The following INPP5D variants were observed in gnomAD, a reference collection of about 807,000 sequenced individuals.
INPP5D encodes the protein phosphatidylinositol 3,4,5-trisphosphate 5-phosphatase 1.
Under a neutral mutation model 122.9 loss-of-function variants are expected in INPP5D, and 33 were observed. The observed-to-expected ratio is 0.27, with a 90% CI of 0.20 to 0.36. The LOEUF (loss-of-function observed/expected upper bound fraction) is 0.36. INPP5D is among the 10% of genes least tolerant of loss of function. The probability of loss-of-function intolerance (pLI) is 1.00; values close to 1 mark genes in which losing one functional copy is unlikely to be tolerated. For missense variants in INPP5D, 1,053 were observed against 1,412.7 expected, an observed-to-expected ratio of 0.75 and a Z score of 4.08; for synonymous variants, 584 against 576.2, an observed-to-expected ratio of 1.01 and a Z score of -0.19.
intron 20 of INPP5D, among the ~76,000 whole-genome samples, chr2:233,185,169 G>A (rs923418136): frequency 4.6e-5 from 7 of 152,104 alleles, no homozygotes; most frequent in Non-Finnish European, 8.8e-5. Context: ...ATCGGGGGAG[G>A]AAAAGGGGGC....
chr2:233,173,092 C>G (rs1025094075), intron 17 of INPP5D, among the ~76,000 whole-genome samples: 3 of 152,020 alleles, frequency 2.0e-5, no homozygotes, highest in African/African-American at 7.3e-5. Context: ...GCCTGTAACC[C>G]CAGCTACTCG....
intron 2 of INPP5D, among the ~76,000 whole-genome samples, chr2:233,095,615 CAAA>C (rs59030376): frequency 0.038 from 4,782 of 124,924 alleles, 30 homozygotes; most frequent in East Asian, 0.11. Flanking sequence ...GAAACTGTCT[CAAA>C]AAAAAAAAAA....
chr2:233,202,615 C>A (rs541041123), intron 25 of INPP5D, among the ~76,000 whole-genome samples: 1 of 152,166 alleles, frequency 6.6e-6, no homozygotes, highest in Non-Finnish European at 1.5e-5. Context: ...CAGTAACAGG[C>A]GCAACAGCCT....
At chr2:233,110,866 A>G (rs1692604868) in intron 2 of INPP5D, among the ~76,000 whole-genome samples, 1 of 152,126 alleles carries the variant, frequency 6.6e-6, no homozygotes, top group Non-Finnish European at 1.5e-5. Flanking sequence ...CGGAGGTTGC[A>G]GTGAGCCAAG....
In INPP5D at chr2:233,177,057, T is replaced by C. The variant is rs571201190; in HGVS notation, c.1990-208T>C. Among the ~76,000 whole-genome samples the C allele has an allele frequency of 6.6e-6, 1 of 152,030 alleles. No individual in the cohort carries two copies. Among genetic ancestry groups the C allele is most frequent in the Non-Finnish European group, 1.5e-5 (1 of 67,978 alleles). ...TGTGAGGGAATACAGCAAGGTGAGT[T>C]ATCTTAGTCTAAAGAAGAAGGCGTG... On this transcript the variant is annotated intron_variant, in intron 17 of 26. Transcript: ENST00000445964. The surrounding 1 kb of genome is among the most constrained non-coding windows in gnomAD (Gnocchi z 4.2).
intron 2 of INPP5D, among the ~76,000 whole-genome samples, chr2:233,101,162 G>A (rs1692301243): frequency 6.6e-6 from 1 of 152,170 alleles, no homozygotes. Flanking sequence ...GGTAAACCTT[G>A]GACAACCAGT....
At chr2:233,081,420 T>C (rs917641380) in intron 2 of INPP5D, among the ~76,000 whole-genome samples, 12 of 152,348 alleles carry the variant, frequency 7.9e-5, no homozygotes, top group Non-Finnish European at 1.6e-4. Flanking sequence ...TTGTGGTTTC[T>C]TCTCTTCCTT....
At chr2:233,127,632 G>A (rs2106261360) in intron 4 of INPP5D, among the ~76,000 whole-genome samples, 1 of 152,200 alleles carries the variant, frequency 6.6e-6, no homozygotes, top group Middle Eastern at 3.4e-3. Flanking sequence ...TTTTGAGACG[G>A]AGTTTTGCTC....
intron 1 of INPP5D, among the ~76,000 whole-genome samples, chr2:233,066,428 G>A (rs1691228850): frequency 6.6e-6 from 1 of 152,226 alleles, no homozygotes; most frequent in African/African-American, 2.4e-5. Context: ...GAGGAGCAAG[G>A]CTCTGTGGTC....
chr2:233,203,178 G>A (rs1695384581), intron 25 of INPP5D, among the ~76,000 whole-genome samples: 1 of 152,208 alleles, frequency 6.6e-6, no homozygotes, highest in Non-Finnish European at 1.5e-5. Context: ...AGTAGCACAA[G>A]TGGTTCCTGA....
At chr2:233,079,820 C>G (rs537138236) in intron 2 of INPP5D, among the ~76,000 whole-genome samples, 1 of 152,228 alleles carries the variant, frequency 6.6e-6, no homozygotes, top group Non-Finnish European at 1.5e-5. Context: ...GAGACTAGCA[C>G]AAAACAGTGC....
chr2:233,096,855 A>T (rs1213793970), intron 2 of INPP5D, among the ~76,000 whole-genome samples: 1 of 152,158 alleles, frequency 6.6e-6, no homozygotes, highest in Non-Finnish European at 1.5e-5. Flanking sequence ...GTTTTTAAAC[A>T]TTGTTTATGG....
intron 18 of INPP5D, among the ~76,000 whole-genome samples, chr2:233,181,854 G>A (rs537871572): frequency 6.6e-6 from 1 of 152,302 alleles, no homozygotes; most frequent in South Asian, 2.1e-4. Flanking sequence ...CCCAGCACTT[G>A]GGAGGCCGAG....
At chr2:233,187,619 C>A (rs114778902) in intron 21 of INPP5D, among the ~76,000 whole-genome samples, 2,137 of 152,314 alleles carry the variant, frequency 0.014, 46 homozygotes, top group African/African-American at 0.049. Flanking sequence ...TGCCTGAACT[C>A]CAGATTCCCC....
chr2:233,074,487 TTCATTCA>T (rs1265360030), intron 1 of INPP5D, among the ~76,000 whole-genome samples: 2 of 152,232 alleles, frequency 1.3e-5, no homozygotes, highest in African/African-American at 4.8e-5. Context: ...ATGGCCTCTT[TTCATTCA>T]TCAACTTTAG....
chr2:233,186,639 C>CA (rs556156750), intron 21 of INPP5D, among the ~76,000 whole-genome samples: 2 of 140,006 alleles, frequency 1.4e-5, no homozygotes, highest in Admixed American at 1.5e-4. Flanking sequence ...CCATCTCTAC[C>CA]AAAAAAAAAT....
intron 1 of INPP5D, among the ~76,000 whole-genome samples, chr2:233,068,550 G>A (rs1022054149): frequency 4.6e-5 from 7 of 152,068 alleles, no homozygotes; most frequent in South Asian, 2.1e-4. Flanking sequence ...AGCCGAGATC[G>A]TGCCATTGCA....
intron 22 of INPP5D, 64 bp from the exon 23 acceptor site, chr2:233,193,748 A>G: frequency 6.2e-7 from 1 of 1,611,502 alleles, no homozygotes; most frequent in Admixed American, 1.7e-5. Flanking sequence ...TCCGGCCAAG[A>G]GTTTGGTGTT....
chr2:233,207,464 G>A lies in INPP5D; in HGVS notation c.*756G>A, dbSNP rs1394130179. On this transcript the variant is annotated 3_prime_UTR_variant, in exon 27 of 27. Transcript: ENST00000445964. The surrounding 1 kb of genome is among the most constrained non-coding windows in gnomAD (Gnocchi z 4.6). ...AGGAAATCAGCTCCTATTCTCCAGT[G>A]GAGAGATCTGGCCTCAGCTTGGGCT... 6.6e-6 allele frequency: 1 copy of A among 152,416 alleles called. No individual in the cohort carries two copies. Among genetic ancestry groups the A allele is most frequent in the African/African-American group, 2.4e-5 (1 of 41,464 alleles). 9.4% of individuals were successfully genotyped at this position (152,416 alleles called of 1,614,324 possible).
Sources: gnomAD v4.1 joint callset for allele counts (sites outside exome capture counted in the v4.1 genomes callset) on GRCh38, gnomAD v4.1.1 for gene constraint, Gnocchi (gnomAD v3.1) non-coding constraint, MANE v1.5 for transcripts, NCBI Gene and HGNC (gene_info 2026-07-23, HGNC 2026-07-21) for gene names.